The following KLHL29 variants were observed in gnomAD, a reference collection of about 807,000 sequenced individuals.
KLHL29 encodes the protein kelch-like protein 29.
A neutral mutation model predicts 80.4 loss-of-function variants in KLHL29; 21 were observed. The observed-to-expected ratio is 0.26, with a 90% CI of 0.19 to 0.38. KLHL29 has a LOEUF of 0.38. KLHL29 is among the 10% of genes least tolerant of loss of function. The pLI, the probability that KLHL29 is intolerant of heterozygous loss-of-function variation, is 1.00. For synonymous variants in KLHL29, 511 were observed against 526.8 expected, an observed-to-expected ratio of 0.97 and a Z score of 0.41; for missense variants, 867 against 1,223.9, an observed-to-expected ratio of 0.71 and a Z score of 4.35.
rs370102525 is a variant in KLHL29 at position 23,452,157 on chromosome 2, A to G, written c.-153-23403A>G. On this transcript the variant is annotated intron_variant, in intron 1 of 13. Coordinates refer to ENST00000486442, the MANE Select transcript of KLHL29 (RefSeq NM_052920.2). Reference sequence around the variant, plus strand: ...CTCTTGAATAGCTGGGACCACAAGCATGTCCCACCGTGCCCAGAAAAAAAA... The same window carrying G: ...CTCTTGAATAGCTGGGACCACAAGCGTGTCCCACCGTGCCCAGAAAAAAAA... 2.8e-4 allele frequency among the ~76,000 whole-genome samples: 43 copies of G among 151,014 alleles called. No individual in the cohort carries two copies. The East Asian group carries it at 7.0e-3, about 25-fold the overall frequency.
At chr2:23,564,547 G>A (rs1015781122) in intron 3 of KLHL29, among the ~76,000 whole-genome samples, 1 of 152,330 alleles carries the variant, frequency 6.6e-6, no homozygotes, top group East Asian at 1.9e-4. Context: ...CACTGGGTGG[G>A]GGGAAGGGAG....
At chr2:23,571,243 A>G (rs1319623439) in intron 3 of KLHL29, among the ~76,000 whole-genome samples, 1 of 152,218 alleles carries the variant, frequency 6.6e-6, no homozygotes, top group Non-Finnish European at 1.5e-5. Context: ...CTCAGACTGG[A>G]GGATGGCGGG....
intron 3 of KLHL29, among the ~76,000 whole-genome samples, chr2:23,571,099 G>A (rs1282031540): frequency 1.3e-5 from 2 of 152,238 alleles, no homozygotes. Context: ...TCTCTGGCAG[G>A]ACAAGGGGAC....
intron 1 of KLHL29, among the ~76,000 whole-genome samples, chr2:23,454,945 G>A (rs1375874464): frequency 2.0e-5 from 3 of 148,030 alleles, no homozygotes; most frequent in African/African-American, 4.9e-5. Flanking sequence ...TTCCATTAAA[G>A]AGGGCTAAGG....
At chr2:23,478,780 C>T (rs1664704950) in intron 2 of KLHL29, among the ~76,000 whole-genome samples, 1 of 152,120 alleles carries the variant, frequency 6.6e-6, no homozygotes, top group South Asian at 2.1e-4. Flanking sequence ...TCTGTCCAGG[C>T]CGTTTGTCCC....
chr2:23,423,957 C>T (rs892916802), intron 1 of KLHL29, among the ~76,000 whole-genome samples: 1 of 152,192 alleles, frequency 6.6e-6, no homozygotes, highest in African/African-American at 2.4e-5. Flanking sequence ...TTAGTGGCTT[C>T]GCTGGAGCAT....
intron 3 of KLHL29, among the ~76,000 whole-genome samples, chr2:23,638,337 T>C (rs575279532): frequency 1.3e-3 from 204 of 152,322 alleles, no homozygotes; most frequent in Non-Finnish European, 2.7e-3. Flanking sequence ...TTGATAGCTA[T>C]ATAATATTCC....
In KLHL29 at chr2:23,700,036, C is replaced by G. The variant is rs1403896623; in HGVS notation, c.2106-3150C>G. On this transcript the variant is annotated intron_variant, in intron 11 of 13. Coordinates refer to ENST00000486442, the MANE Select transcript of KLHL29 (RefSeq NM_052920.2). The surrounding 1 kb of genome is among the most constrained non-coding windows in gnomAD (Gnocchi z 4.6). ...ACACTCGTGCCATCCTTGACTTCCT[C>G]TCTCCTGTGCAAATGGACTCCACGT... is the stretch of plus-strand genomic sequence containing the variant. Among the ~76,000 whole-genome samples the G allele has an allele frequency of 6.6e-6, 1 of 152,246 alleles. No homozygotes were observed. The highest frequency in any genetic ancestry group is 2.4e-5 in the African/African-American group (1 of 41,466).
chr2:23,603,568 G>T lies in KLHL29; in HGVS notation c.286-35571G>T, dbSNP rs1437252479. The stretch of plus-strand genomic sequence containing the variant: ...CTTTTGAAAGGCCCTGGCACGTTTG[G>T]AATAAAAATTCTGAAAGTGCTGATT... On this transcript the variant is annotated intron_variant, in intron 3 of 13. Transcript: ENST00000486442. Among the ~76,000 whole-genome samples, 6 of 152,328 alleles carry T rather than the reference G, an allele frequency of 3.9e-5. No homozygotes were observed. In the East Asian group the frequency reaches 1.2e-3, roughly 29 times the overall value.
chr2:23,639,401 C>T, intron 4 of KLHL29, 121 bp downstream of exon 4: 1 of 962,318 alleles, frequency 1.0e-6, no homozygotes, highest in Non-Finnish European at 1.5e-6. Flanking sequence ...CAGAAGCCCC[C>T]TCCTCAGGTT....
intron 2 of KLHL29, among the ~76,000 whole-genome samples, chr2:23,510,629 GA>G (rs1665739498): frequency 6.6e-6 from 1 of 152,250 alleles, no homozygotes; most frequent in African/African-American, 2.4e-5. Context: ...ATCTGGGAGG[GA>G]GGGAGCAGGA....
At chr2:23,571,874 C>T (rs897756751) in intron 3 of KLHL29, among the ~76,000 whole-genome samples, 1 of 152,170 alleles carries the variant, frequency 6.6e-6, no homozygotes, top group African/African-American at 2.4e-5. Flanking sequence ...AAATAAAAAA[C>T]AACCGCCTCC....
chr2:23,602,337 G>A lies in KLHL29; in HGVS notation c.286-36802G>A, dbSNP rs529762481. Among the ~76,000 whole-genome samples, 6 of 152,278 alleles carry A rather than the reference G, an allele frequency of 3.9e-5. No homozygotes were observed. The East Asian group carries it at 5.8e-4, about 15-fold the overall frequency. The stretch of plus-strand genomic sequence containing the variant: ...GTATTGTGTTACCCTTTCTCCTTGC[G>A]CTTTTCTTGGTAACAGCACTGGCTG... On this transcript the variant is annotated intron_variant, in intron 3 of 13. Transcript: ENST00000486442.
rs796301580 is a variant in KLHL29 at position 23,670,913 on chromosome 2, A to ACGCGCGCGCGCG, written c.941-13481_941-13480insGCGCGCGCGCGC. On this transcript the variant is annotated intron_variant, in intron 5 of 13. Coordinates refer to ENST00000486442, the MANE Select transcript of KLHL29 (RefSeq NM_052920.2). ...AAGGGAGGGGTCTCTACACACATGCACGCGCTCTCTCTCTCTCTCTCTCTC... is the reference window on the plus strand; with the variant it reads ...AAGGGAGGGGTCTCTACACACATGCACGCGCGCGCGCGCGCGCTCTCTCTCTCTCTCTCTCTC... Among the ~76,000 whole-genome samples, 25 of 15,420 alleles carry ACGCGCGCGCGCG rather than the reference A, an allele frequency of 1.6e-3. 1 individual carries two copies. The highest frequency in any genetic ancestry group is 4.6e-3 in the Non-Finnish European group (23 of 4,982). 10.1% of individuals were successfully genotyped at this position (15,420 alleles called of 152,430 possible).
At chr2:23,630,956 A>G (rs896468208) in intron 3 of KLHL29, among the ~76,000 whole-genome samples, 1 of 152,232 alleles carries the variant, frequency 6.6e-6, no homozygotes, top group Non-Finnish European at 1.5e-5. Flanking sequence ...TGTGCCTGGC[A>G]TCTGTTTATG....
chr2:23,554,054 G>A (rs1038798165), intron 2 of KLHL29, among the ~76,000 whole-genome samples: 4 of 152,278 alleles, frequency 2.6e-5, no homozygotes, highest in South Asian at 2.1e-4. Flanking sequence ...GCTAATGGGG[G>A]CTCCATGGGG....
At chr2:23,420,600 G>C (rs1297800044) in intron 1 of KLHL29, among the ~76,000 whole-genome samples, 1 of 152,166 alleles carries the variant, frequency 6.6e-6, no homozygotes, top group African/African-American at 2.4e-5. Context: ...TGTATTTTCT[G>C]GCAAGAAATT....
intron 3 of KLHL29, among the ~76,000 whole-genome samples, chr2:23,599,153 C>T (rs143887777): frequency 1.5e-3 from 229 of 152,306 alleles, no homozygotes; most frequent in African/African-American, 4.9e-3. Context: ...ATGCATGTCC[C>T]GCAGAATCAT....
rs1244849906 is a variant in KLHL29 at position 23,562,382 on chromosome 2, G to A, written c.186G>A (p.Arg62=). ...TGCCGCTGCCCGTGGTGCCCTCCCGGCTGCCCACCCCGGCTACAGCTCCTG... is the reference window on the plus strand; with the variant it reads ...TGCCGCTGCCCGTGGTGCCCTCCCGACTGCCCACCCCGGCTACAGCTCCTG... ...GLLPLPVVPS[R]LPTPATAPAP... is the part of the protein sequence containing the mutation. Residue 62 remains arginine (R), a synonymous_variant, in exon 3 of 14, where the codon CGG becomes CGA. Transcript: ENST00000486442. This position sits in a 1 kb window ranked among gnomAD's most constrained non-coding sequence, Gnocchi z 4.5. 1.9e-6 allele frequency: 3 copies of A among 1,539,952 alleles called. No homozygotes were observed. The South Asian group carries it at 3.6e-5, about 18-fold the overall frequency.
Sources: gnomAD v4.1 joint callset for allele counts (sites outside exome capture counted in the v4.1 genomes callset) on GRCh38, gnomAD v4.1.1 for gene constraint, Gnocchi (gnomAD v3.1) non-coding constraint, MANE v1.5 for transcripts, NCBI Gene and HGNC (gene_info 2026-07-23, HGNC 2026-07-21) for gene names.